The following N4BP1 variants were observed in gnomAD, a reference collection of about 807,000 sequenced individuals.
N4BP1 encodes NEDD4 binding protein 1.
A neutral mutation model predicts 70.9 loss-of-function variants in N4BP1; 21 were observed. The ratio of observed to expected loss-of-function variants is 0.30; its 90% CI spans 0.21 to 0.43. The LOEUF (loss-of-function observed/expected upper bound fraction) is 0.43. Among genes scored for constraint, N4BP1 ranks in the 20% least tolerant of loss-of-function variants. The pLI is 1.00. For missense variants in N4BP1, 936 were observed against 1,069.4 expected, an observed-to-expected ratio of 0.88 and a Z score of 1.74; for synonymous variants, 387 against 394.6, an observed-to-expected ratio of 0.98 and a Z score of 0.23.
chr16:48,568,616 G>A (rs1002336389), intron 1 of N4BP1, among the ~76,000 whole-genome samples: 3 of 152,286 alleles, frequency 2.0e-5, no homozygotes, highest in African/African-American at 7.2e-5. Flanking sequence ...TAATTTCACT[G>A]GATAGAGAAT....
rs986717548 is a variant in N4BP1, at chr16:48,542,236, G to A, written c.*668C>T. ...TTGCGCAGGGTGGAAGGGGGAAGGA[G>A]GGTGGGACTCCATGGGCTCCACGAT... is the stretch of plus-strand genomic sequence containing the variant. On this transcript the variant is annotated 3_prime_UTR_variant, in exon 7 of 7. Coordinates refer to ENST00000262384, the MANE Select transcript of N4BP1 (RefSeq NM_153029.4). The A allele has an allele frequency of 6.6e-6, 1 of 152,388 alleles. No homozygotes were observed. Among genetic ancestry groups the A allele is most frequent in the Admixed American group, 6.5e-5 (1 of 15,288 alleles). 9.4% of individuals were successfully genotyped at this position (152,388 alleles called of 1,614,324 possible). A position where few individuals can be genotyped will look rare whatever the true frequency, so the allele number is the denominator to read the frequency against.
chr16:48,598,949 A>G (rs11861139), intron 1 of N4BP1, among the ~76,000 whole-genome samples: 94 of 152,272 alleles, frequency 6.2e-4, no homozygotes, highest in African/African-American at 2.0e-3. Context: ...TTTAAGTTAA[A>G]AAGTTGTATC....
intron 1 of N4BP1, among the ~76,000 whole-genome samples, chr16:48,600,848 T>G (rs551236315): frequency 6.6e-6 from 1 of 152,382 alleles, no homozygotes; most frequent in East Asian, 1.9e-4. Context: ...CTGATAGATA[T>G]GTAAATCACG....
chr16:48,579,926 C>CAT (rs59398610), intron 1 of N4BP1, among the ~76,000 whole-genome samples: 133 of 150,436 alleles, frequency 8.8e-4, no homozygotes, highest in African/African-American at 1.5e-3. Flanking sequence ...ACTATACATA[C>CAT]ATATATATAT....
At chr16:48,551,525 T>C in intron 3 of N4BP1, 43 bp from the exon 4 acceptor site, 1 of 1,360,654 alleles carries the variant, frequency 7.3e-7, no homozygotes, top group Non-Finnish European at 1.0e-6. Flanking sequence ...AAAAGGGCTA[T>C]CTTCCCAAAT....
At chr16:48,586,153 T>A (rs1964243280) in intron 1 of N4BP1, among the ~76,000 whole-genome samples, 1 of 152,198 alleles carries the variant, frequency 6.6e-6, no homozygotes, top group Non-Finnish European at 1.5e-5. Flanking sequence ...AGACACAGAA[T>A]TTTTCACTTT....
chr16:48,597,584 C>T (rs1227312315), intron 1 of N4BP1, among the ~76,000 whole-genome samples: 1 of 152,154 alleles, frequency 6.6e-6, no homozygotes, highest in East Asian at 1.9e-4. Flanking sequence ...GTTTGAAGAC[C>T]CCCAGAGAGG....
At chr16:48,593,630 AT>A (rs1368513243) in intron 1 of N4BP1, among the ~76,000 whole-genome samples, 1 of 152,248 alleles carries the variant, frequency 6.6e-6, no homozygotes, top group Non-Finnish European at 1.5e-5. Flanking sequence ...AACAAAAAAA[AT>A]ATTGTAAAGG....
intron 4 of N4BP1, among the ~76,000 whole-genome samples, chr16:48,548,951 T>A (rs764352625): frequency 6.6e-6 from 1 of 151,998 alleles, no homozygotes; most frequent in Non-Finnish European, 1.5e-5. Context: ...ATGGAAGATA[T>A]GACAGGATAC....
chr16:48,560,124 G>A (rs1279894896), intron 2 of N4BP1, among the ~76,000 whole-genome samples: 1 of 151,978 alleles, frequency 6.6e-6, no homozygotes, highest in African/African-American at 2.4e-5. Context: ...CAAGCGTACA[G>A]GTTTCAAATC....
rs369663188 is a variant in N4BP1, at chr16:48,567,271, C to A, written c.199-4827G>T. Among the ~76,000 whole-genome samples, 19 of 152,164 alleles carry A rather than the reference C, an allele frequency of 1.2e-4. 1 individual carries two copies. The East Asian group carries it at 3.7e-3, about 29-fold the overall frequency. Reference sequence around the variant, plus strand: ...TATATTTGATTCCTGTTCTATCTTGCCTTCTTTTGCATTATACAAACACTT... The same window carrying A: ...TATATTTGATTCCTGTTCTATCTTGACTTCTTTTGCATTATACAAACACTT... On this transcript the variant is annotated intron_variant, in intron 1 of 6. Transcript: ENST00000262384.
At chr16:48,586,868 CA>C (rs775347000) in intron 1 of N4BP1, among the ~76,000 whole-genome samples, 29 of 149,740 alleles carry the variant, frequency 1.9e-4, no homozygotes, top group East Asian at 3.9e-4. Flanking sequence ...AAACTTTTAA[CA>C]TTTTTTTTTT....
intron 1 of N4BP1, among the ~76,000 whole-genome samples, chr16:48,571,071 C>T (rs936342386): frequency 2.6e-5 from 4 of 152,172 alleles, no homozygotes; most frequent in Admixed American, 6.5e-5. Flanking sequence ...GTATTAAAGG[C>T]GTGAGCCACT....
At position 48,542,388 on chromosome 16, in the gene N4BP1, A is replaced by C. The variant is rs1963514612; in HGVS notation, c.*516T>G. Reference sequence around the variant, plus strand: ...ACACTCCAACCAAAGACTGCAGAACAAACCAACTCTTACCCACTTTAACTC... The same window carrying C: ...ACACTCCAACCAAAGACTGCAGAACCAACCAACTCTTACCCACTTTAACTC... On this transcript the variant is annotated 3_prime_UTR_variant, in exon 7 of 7. Transcript: ENST00000262384. 6.5e-6 allele frequency: 1 copy of C among 152,778 alleles called. No homozygotes were observed. The highest frequency in any genetic ancestry group is 1.5e-5 in the Non-Finnish European group (1 of 68,126). The allele number at this position is 152,778 out of a possible 1,614,324, so 9.5% of individuals were successfully genotyped here. A position where few individuals can be genotyped will look rare whatever the true frequency, so the allele number is the denominator to read the frequency against.
At chr16:48,603,239 G>T (rs922384935) in intron 1 of N4BP1, among the ~76,000 whole-genome samples, 1 of 152,088 alleles carries the variant, frequency 6.6e-6, no homozygotes, top group Non-Finnish European at 1.5e-5. Flanking sequence ...AATGGACTGG[G>T]TGGTAGCCTG....
chr16:48,567,155 G>A (rs922110022), intron 1 of N4BP1, among the ~76,000 whole-genome samples: 2 of 152,026 alleles, frequency 1.3e-5, no homozygotes, highest in South Asian at 2.1e-4. Flanking sequence ...ATCCACTGAC[G>A]GTGCCTGTCT....
intron 1 of N4BP1, among the ~76,000 whole-genome samples, chr16:48,593,071 G>T (rs1370914833): frequency 1.3e-5 from 2 of 151,994 alleles, no homozygotes; most frequent in Non-Finnish European, 2.9e-5. Flanking sequence ...AGATTATTAG[G>T]TCCCCTAAAT....
intron 1 of N4BP1, among the ~76,000 whole-genome samples, chr16:48,565,906 T>C (rs1604125): frequency 0.16 from 24,740 of 152,184 alleles, 2,638 homozygotes; most frequent in Middle Eastern, 0.25. Context: ...TCATCAAATT[T>C]ATGTATGTAG....
In N4BP1 at chr16:48,610,021, C is replaced by G; in HGVS notation, c.-49G>C. On this transcript the variant is annotated 5_prime_UTR_variant, in exon 1 of 7. Coordinates refer to ENST00000262384, the MANE Select transcript of N4BP1 (RefSeq NM_153029.4). ...GCGCCGGGGGCCGGCGGCGGCGACG[C>G]CCCCTCAGCTTGCTGCCGCTGCTCC... 9.6e-7 allele frequency: 1 copy of G among 1,041,900 alleles called. No individual in the cohort carries two copies. Among genetic ancestry groups the G allele is most frequent in the African/African-American group, 1.7e-5 (1 of 58,772 alleles). 64.5% of individuals were successfully genotyped at this position (1,041,900 alleles called of 1,614,324 possible). A position where few individuals can be genotyped will look rare whatever the true frequency, so the allele number is the denominator to read the frequency against.
Sources: gnomAD v4.1 joint callset for allele counts (sites outside exome capture counted in the v4.1 genomes callset) on GRCh38, gnomAD v4.1.1 for gene constraint, MANE v1.5 for transcripts, NCBI Gene and HGNC (gene_info 2026-07-23, HGNC 2026-07-21) for gene names.